The following LEPR variants were observed in gnomAD, a reference collection of about 807,000 sequenced individuals.
LEPR encodes OB receptor.
A neutral mutation model predicts 114.7 loss-of-function variants in LEPR; 56 were observed. The observed-to-expected ratio is 0.49, with a 90% CI of 0.39 to 0.61. The LOEUF (loss-of-function observed/expected upper bound fraction) is 0.61. Among genes scored for constraint, LEPR ranks in the 20% least tolerant of loss-of-function variants. LEPR has a pLI of 0.00. For synonymous variants in LEPR, 443 were observed against 461.4 expected (o/e 0.96, Z 0.51); for missense variants, 1,202 against 1,352.9 (o/e 0.89, Z 1.75).
At chr1:65,475,107 AAAG>A (rs1647142084) in intron 2 of LEPR, among the ~76,000 whole-genome samples, 1 of 151,960 alleles carries the variant, frequency 6.6e-6, no homozygotes, top group Non-Finnish European at 1.5e-5. Context: ...CTCAAAAAGT[AAAG>A]AAGCCTGAGA....
chr1:65,525,921 C>T (rs570075360), intron 2 of LEPR: 5 of 906,716 alleles, frequency 5.5e-6, no homozygotes, highest in Non-Finnish European at 6.6e-6. Context: ...CGCGGAGCCC[C>T]GCGGGCCGCT....
intron 2 of LEPR, among the ~76,000 whole-genome samples, chr1:65,564,543 G>T (rs532680737): frequency 1.1e-5 from 1 of 91,928 alleles, no homozygotes; most frequent in South Asian, 4.1e-4. Context: ...GCTGTAGACC[G>T]GAGCTGTTCC....
chr1:65,500,031 T>C (rs1215169166), intron 2 of LEPR, among the ~76,000 whole-genome samples: 1 of 152,100 alleles, frequency 6.6e-6, no homozygotes, highest in Non-Finnish European at 1.5e-5. Flanking sequence ...TGCATGCTGC[T>C]CTCATAATAG....
At chr1:65,503,796 TACACACACACACACACAC>T (rs71584485) in intron 2 of LEPR, among the ~76,000 whole-genome samples, 3 of 147,256 alleles carry the variant, frequency 2.0e-5, no homozygotes, top group Non-Finnish European at 4.5e-5. Context: ...TGAAGTTAGC[TACACACACACACACACAC>T]ACACACACAC....
intron 2 of LEPR, among the ~76,000 whole-genome samples, chr1:65,472,063 G>C (rs546098659): frequency 6.6e-6 from 1 of 152,074 alleles, no homozygotes; most frequent in Non-Finnish European, 1.5e-5. Context: ...CCAAACTTTA[G>C]TAACGTAGTA....
intron 4 of LEPR, among the ~76,000 whole-genome samples, chr1:65,571,970 T>TAAAAAA (rs1654210091): frequency 9.6e-5 from 2 of 20,936 alleles, no homozygotes; most frequent in African/African-American, 1.9e-4. Flanking sequence ...ACACCCCATC[T>TAAAAAA]CAAAAAAAAA....
chr1:65,611,026 G>T (rs1054673276), intron 14 of LEPR, among the ~76,000 whole-genome samples: 1 of 152,074 alleles, frequency 6.6e-6, no homozygotes, highest in Non-Finnish European at 1.5e-5. Context: ...ATGTTCATTT[G>T]GTTTCTAAAT....
At chr1:65,444,360 C>T (rs919996816) in intron 2 of LEPR, among the ~76,000 whole-genome samples, 15 of 152,058 alleles carry the variant, frequency 9.9e-5, no homozygotes, top group African/African-American at 3.6e-4. Flanking sequence ...TGTGTTGCTA[C>T]CTCCCTGCAG....
intron 19 of LEPR, chr1:65,626,274 T>C (rs1177909854): frequency 1.6e-5 from 21 of 1,307,822 alleles, no homozygotes; most frequent in Non-Finnish European, 2.0e-5. Flanking sequence ...TACAAGTAGA[T>C]TGAAATATTG....
At chr1:65,530,388 A>C (rs1650300982) in intron 2 of LEPR, among the ~76,000 whole-genome samples, 1 of 152,252 alleles carries the variant, frequency 6.6e-6, no homozygotes, top group Non-Finnish European at 1.5e-5. Flanking sequence ...GAAAGAATTC[A>C]GGGCAATTAG....
At chr1:65,501,151 T>G (rs1368905909) in intron 2 of LEPR, among the ~76,000 whole-genome samples, 1 of 152,052 alleles carries the variant, frequency 6.6e-6, no homozygotes, top group Non-Finnish European at 1.5e-5. Flanking sequence ...GTCTTCTCAG[T>G]GAATTTATTC....
chr1:65,532,698 G>A (rs747212796), intron 2 of LEPR, among the ~76,000 whole-genome samples: 10 of 152,186 alleles, frequency 6.6e-5, no homozygotes, highest in Non-Finnish European at 1.3e-4. Context: ...GATGATCCTT[G>A]AAAACATGAT....
intron 2 of LEPR, among the ~76,000 whole-genome samples, chr1:65,565,235 T>C (rs1040120025): frequency 6.6e-6 from 1 of 152,208 alleles, no homozygotes; most frequent in Admixed American, 6.5e-5. Context: ...TTATCAACAT[T>C]GTGAGCACTT....
At chr1:65,595,425 A>T (rs768606263) in intron 6 of LEPR, among the ~76,000 whole-genome samples, 1 of 152,062 alleles carries the variant, frequency 6.6e-6, no homozygotes, top group Non-Finnish European at 1.5e-5. Context: ...GTAATATTGT[A>T]ATTTTACTTT....
At chr1:65,461,291 A>G (rs1481722379) in intron 2 of LEPR, among the ~76,000 whole-genome samples, 1 of 152,132 alleles carries the variant, frequency 6.6e-6, no homozygotes, top group Admixed American at 6.5e-5. Context: ...CCAGTTGTCT[A>G]ATACCATTCT....
At chr1:65,432,601 T>C in intron 2 of LEPR, 1 of 984,216 alleles carries the variant, frequency 1.0e-6, no homozygotes. Context: ...GCTTTCATGC[T>C]GAGGACAAGT....
chr1:65,601,051 C>A (rs2100931736), intron 8 of LEPR, among the ~76,000 whole-genome samples: 1 of 152,058 alleles, frequency 6.6e-6, no homozygotes, highest in East Asian at 1.9e-4. Context: ...GAAAATATGT[C>A]ATTGTTGAAT....
At chr1:65,599,237 A>T (rs1048896298) in intron 8 of LEPR, among the ~76,000 whole-genome samples, 2 of 152,128 alleles carry the variant, frequency 1.3e-5, no homozygotes, top group African/African-American at 4.8e-5. Flanking sequence ...CAATGTTCAT[A>T]TTTTAAAGGT....
chr1:65,438,220 T>C (rs1268430710), intron 2 of LEPR, among the ~76,000 whole-genome samples: 3 of 150,742 alleles, frequency 2.0e-5, no homozygotes, highest in Non-Finnish European at 4.4e-5. Flanking sequence ...GAAATGAAGT[T>C]GTGCTAGCTG....
Sources: allele counts gnomAD v4.1 joint callset (sites outside exome capture counted in the v4.1 genomes callset), GRCh38; gene constraint gnomAD v4.1.1; transcripts MANE v1.5; gene names NCBI Gene and HGNC (gene_info 2026-07-23, HGNC 2026-07-21).